The following CORIN variants were observed in gnomAD, a reference collection of about 807,000 sequenced individuals.
CORIN encodes the protein atrial natriuretic peptide-converting enzyme.
Under a neutral mutation model 125.3 loss-of-function variants are expected in CORIN, and 117 were observed. The observed-to-expected ratio is 0.93, with a 90% CI of 0.80 to 1.09. The LOEUF (loss-of-function observed/expected upper bound fraction) is 1.09, where lower values mean the gene tolerates loss of function less well. CORIN is among the 50% of genes least tolerant of loss of function. CORIN has a pLI of 0.00. For missense variants in CORIN, 1,253 were observed against 1,306.7 expected (o/e 0.96, Z 0.63); for synonymous variants, 450 against 466.4 (o/e 0.96, Z 0.45).
chr4:47,654,825 A>C (rs1189341197), intron 12 of CORIN, among the ~76,000 whole-genome samples: 1 of 152,050 alleles, frequency 6.6e-6, no homozygotes, highest in East Asian at 1.9e-4. Context: ...AACCTAGTGC[A>C]TGCCGCAGAG....
chr4:47,785,407 T>G (rs1730745203), intron 3 of CORIN, among the ~76,000 whole-genome samples: 1 of 152,212 alleles, frequency 6.6e-6, no homozygotes, highest in Non-Finnish European at 1.5e-5. Flanking sequence ...ACGCCCCATG[T>G]CCACACTTTC....
At chr4:47,713,827 G>A (rs552201284) in intron 5 of CORIN, among the ~76,000 whole-genome samples, 6 of 151,702 alleles carry the variant, frequency 4.0e-5, no homozygotes, top group Non-Finnish European at 8.8e-5. Context: ...TCCAAAAGAG[G>A]GCCTCAGGGA....
intron 5 of CORIN, among the ~76,000 whole-genome samples, chr4:47,719,484 A>G (rs1727250526): frequency 6.6e-6 from 1 of 152,348 alleles, no homozygotes; most frequent in Admixed American, 6.5e-5. Flanking sequence ...CAACATACAA[A>G]TTATTCTCCT....
intron 5 of CORIN, among the ~76,000 whole-genome samples, chr4:47,695,765 C>A (rs1173931877): frequency 1.3e-5 from 2 of 152,154 alleles, no homozygotes; most frequent in Admixed American, 1.3e-4. Context: ...AACCTGTATT[C>A]AGAATTTCCA....
At chr4:47,741,930 C>A (rs970339370) in intron 5 of CORIN, among the ~76,000 whole-genome samples, 2 of 151,804 alleles carry the variant, frequency 1.3e-5, no homozygotes, top group Non-Finnish European at 2.9e-5. Flanking sequence ...ACTGCTAATG[C>A]GTGTAGGTTT....
At chr4:47,826,607 C>T (rs576147859) in intron 1 of CORIN, among the ~76,000 whole-genome samples, 1 of 152,354 alleles carries the variant, frequency 6.6e-6, no homozygotes, top group South Asian at 2.1e-4. Context: ...ACATGTGATT[C>T]TGACCTTTCT....
intron 19 of CORIN, among the ~76,000 whole-genome samples, chr4:47,620,388 A>G (rs1443522668): frequency 6.6e-6 from 1 of 152,260 alleles, no homozygotes; most frequent in Non-Finnish European, 1.5e-5. Context: ...CTTAAAAAAA[A>G]TGAGTTAGAG....
intron 1 of CORIN, among the ~76,000 whole-genome samples, chr4:47,825,544 CATAG>C (rs1215408679): frequency 2.0e-5 from 3 of 152,066 alleles, no homozygotes; most frequent in African/African-American, 4.8e-5. Flanking sequence ...CGCTAACATT[CATAG>C]ATAAAGACGT....
intron 2 of CORIN, among the ~76,000 whole-genome samples, chr4:47,799,354 A>G (rs138593603): frequency 0.011 from 1,676 of 152,224 alleles, 12 homozygotes; most frequent in Non-Finnish European, 0.016. Context: ...AGAAATCTCA[A>G]AAGTTTTTTC....
intron 10 of CORIN, among the ~76,000 whole-genome samples, chr4:47,671,661 T>C (rs1163114808): frequency 1.3e-5 from 2 of 152,316 alleles, no homozygotes; most frequent in East Asian, 3.9e-4. Context: ...CTCAGCTCAC[T>C]GCAACCTCCA....
intron 20 of CORIN, 81 bp from the exon 21 acceptor site, chr4:47,600,428 A>T (rs747565245): frequency 2.3e-5 from 20 of 854,048 alleles, no homozygotes; most frequent in Non-Finnish European, 3.2e-5. Flanking sequence ...CCAAATATGA[A>T]ATGCAAATAT....
intron 13 of CORIN, among the ~76,000 whole-genome samples, chr4:47,645,969 G>A (rs7681719): frequency 0.13 from 18,790 of 142,476 alleles, 1,437 homozygotes; most frequent in African/African-American, 0.22. Context: ...TCTTTTTTGA[G>A]ACCAAGTCTC....
intron 13 of CORIN, 103 bp from the exon 14 acceptor site, chr4:47,645,297 AG>A (rs1484179920): frequency 4.4e-6 from 3 of 687,092 alleles, no homozygotes; most frequent in Non-Finnish European, 7.5e-6. Flanking sequence ...TGATGTTGGC[AG>A]GGCGCAGTGG....
At chr4:47,637,158 T>C (rs947518370) in intron 16 of CORIN, among the ~76,000 whole-genome samples, 3 of 152,168 alleles carry the variant, frequency 2.0e-5, no homozygotes, top group African/African-American at 7.2e-5. Context: ...TGTGGAACTT[T>C]GAACTTGACA....
intron 4 of CORIN, among the ~76,000 whole-genome samples, chr4:47,759,113 A>T (rs1477931655): frequency 6.6e-6 from 1 of 152,246 alleles, no homozygotes; most frequent in East Asian, 1.9e-4. Context: ...AAAGACAGTC[A>T]TTTCATGCAA....
intron 2 of CORIN, among the ~76,000 whole-genome samples, chr4:47,802,320 G>A (rs1731580079): frequency 6.6e-6 from 1 of 152,228 alleles, no homozygotes; most frequent in Admixed American, 6.5e-5. Context: ...GGGTCCCTGA[G>A]TCTAGGCCTA....
intron 16 of CORIN, among the ~76,000 whole-genome samples, chr4:47,637,797 A>G (rs6447573): frequency 0.4 from 60,810 of 152,078 alleles, 12,507 homozygotes; most frequent in East Asian, 0.58. Flanking sequence ...GGAAATGTGG[A>G]GTCAGAGACC....
At chr4:47,801,023 C>G (rs1731519501) in intron 2 of CORIN, among the ~76,000 whole-genome samples, 1 of 152,126 alleles carries the variant, frequency 6.6e-6, no homozygotes, top group Admixed American at 6.5e-5. Context: ...TTCTCAACCT[C>G]CCTCCTGGAT....
In CORIN at chr4:47,744,600, A is replaced by G. The variant is rs761599266; in HGVS notation, c.618-17T>C. On this transcript the variant is annotated splice_polypyrimidine_tract_variant and intron_variant, in intron 4 of 21. Transcript: ENST00000273857. ...AGTCCATGACTAAAAAAAAAAAAAG[A>G]GAAAGGTGAAAATTAGTGTCTTTAC... 8 of 1,547,194 alleles carry G rather than the reference A, an allele frequency of 5.2e-6. No homozygotes were observed. The highest frequency in any genetic ancestry group is 6.1e-6 in the Non-Finnish European group (7 of 1,146,632).
Sources: gnomAD v4.1 joint callset for allele counts (sites outside exome capture counted in the v4.1 genomes callset) on GRCh38, gnomAD v4.1.1 for gene constraint, MANE v1.5 for transcripts, NCBI Gene and HGNC (gene_info 2026-07-23, HGNC 2026-07-21) for gene names.